The following GALNT13 variants were observed in gnomAD, a reference collection of about 807,000 sequenced individuals.
GALNT13 encodes UDP-GalNAc:polypeptide N-acetylgalactosaminyltransferase 13.
GALNT13 carries 28 observed loss-of-function variants against 64.2 expected under a neutral mutation model. The observed-to-expected ratio is 0.44, with a 90% CI of 0.32 to 0.60. GALNT13 has a LOEUF of 0.60. Among genes scored for constraint, GALNT13 ranks in the 20% least tolerant of loss-of-function variants. The pLI, the probability that GALNT13 is intolerant of heterozygous loss-of-function variation, is 0.05. For missense variants in GALNT13, 577 were observed against 669.8 expected (o/e 0.86, Z 1.53); for synonymous variants, 214 against 224.6 (o/e 0.95, Z 0.42).
At chr2:154,163,831 A>G (rs1003063647) in intron 4 of GALNT13, among the ~76,000 whole-genome samples, 4 of 152,208 alleles carry the variant, frequency 2.6e-5, no homozygotes, top group Non-Finnish European at 5.9e-5. Flanking sequence ...AGAATTCAGG[A>G]TAACATTTCT....
At chr2:154,409,915 T>C (rs1040394476) in intron 11 of GALNT13, among the ~76,000 whole-genome samples, 1 of 151,944 alleles carries the variant, frequency 6.6e-6, no homozygotes, top group Admixed American at 6.6e-5. Flanking sequence ...TGTTGATTCT[T>C]GTACTATAAA....
chr2:153,699,053 T>C, the GALNT13 span, among the ~76,000 whole-genome samples: 1 of 152,064 alleles, frequency 6.6e-6, no homozygotes. Context: ...TGAAACCCCA[T>C]CTCTACTAAA....
At chr2:153,445,769 A>G in the GALNT13 span, among the ~76,000 whole-genome samples, 1 of 152,144 alleles carries the variant, frequency 6.6e-6, no homozygotes, top group South Asian at 2.1e-4. Flanking sequence ...ATTTCTCCTT[A>G]TATATTTCTT....
chr2:153,527,500 C>T, the GALNT13 span, among the ~76,000 whole-genome samples: 2 of 152,186 alleles, frequency 1.3e-5, no homozygotes, highest in Middle Eastern at 3.4e-3. Flanking sequence ...TTCATCATCA[C>T]CTGATCTGTC....
At chr2:154,036,341 A>G (rs1399047422) in intron 3 of GALNT13, among the ~76,000 whole-genome samples, 1 of 152,116 alleles carries the variant, frequency 6.6e-6, no homozygotes, top group East Asian at 1.9e-4. Context: ...CAAATTCTGC[A>G]TTGCAGATAC....
chr2:153,855,675 G>C, the GALNT13 span, among the ~76,000 whole-genome samples: 1 of 152,060 alleles, frequency 6.6e-6, no homozygotes, highest in Non-Finnish European at 1.5e-5. Context: ...AAATTAGTCT[G>C]GCAATTCCTA....
chr2:153,348,586 G>T, the GALNT13 span, among the ~76,000 whole-genome samples: 17 of 152,134 alleles, frequency 1.1e-4, no homozygotes, highest in African/African-American at 3.9e-4. Flanking sequence ...CCAAAGGATG[G>T]TATAGAAAAT....
chr2:153,792,455 A>C, the GALNT13 span, among the ~76,000 whole-genome samples: 1 of 152,196 alleles, frequency 6.6e-6, no homozygotes, highest in Non-Finnish European at 1.5e-5. Context: ...GAACTTGAGC[A>C]TTTATAGATT....
At chr2:153,745,703 T>C in the GALNT13 span, among the ~76,000 whole-genome samples, 2 of 152,168 alleles carry the variant, frequency 1.3e-5, no homozygotes, top group Non-Finnish European at 2.9e-5. Context: ...ATTCGTTTGT[T>C]TGAAGCTCCT....
intron 2 of GALNT13, among the ~76,000 whole-genome samples, chr2:153,938,011 T>C (rs1691072366): frequency 6.6e-6 from 1 of 152,186 alleles, no homozygotes; most frequent in African/African-American, 2.4e-5. Context: ...TAGATGGATG[T>C]AGGGATACCT....
chr2:153,664,502 C>G, the GALNT13 span, among the ~76,000 whole-genome samples: 1 of 151,964 alleles, frequency 6.6e-6, no homozygotes, highest in Non-Finnish European at 1.5e-5. Flanking sequence ...GTGCAGTTAA[C>G]GCAATCATCA....
chr2:153,834,743 A>G, the GALNT13 span, among the ~76,000 whole-genome samples: 1 of 152,064 alleles, frequency 6.6e-6, no homozygotes, highest in Non-Finnish European at 1.5e-5. Flanking sequence ...GGGAACATGA[A>G]TTTGGAAAGA....
At chr2:154,061,623 A>G (rs1700190183) in intron 3 of GALNT13, among the ~76,000 whole-genome samples, 1 of 152,160 alleles carries the variant, frequency 6.6e-6, no homozygotes, top group Non-Finnish European at 1.5e-5. Context: ...ACAATTTGAC[A>G]TGAGATTTGA....
chr2:153,620,045 G>A, the GALNT13 span, among the ~76,000 whole-genome samples: 4 of 151,964 alleles, frequency 2.6e-5, no homozygotes, highest in African/African-American at 7.2e-5. Context: ...TCCTAGTCCT[G>A]TATCTTTCTC....
At chr2:154,180,452 T>C (rs1685894304) in intron 4 of GALNT13, among the ~76,000 whole-genome samples, 1 of 152,092 alleles carries the variant, frequency 6.6e-6, no homozygotes, top group Non-Finnish European at 1.5e-5. Context: ...AATATTGCTG[T>C]TTAAATTTAC....
At chr2:153,258,777 G>C in the GALNT13 span, among the ~76,000 whole-genome samples, 3 of 151,782 alleles carry the variant, frequency 2.0e-5, no homozygotes, top group African/African-American at 4.8e-5. Flanking sequence ...TCCATATTTC[G>C]TCTTGTTATC....
the GALNT13 span, among the ~76,000 whole-genome samples, chr2:153,605,024 C>T: frequency 3.9e-5 from 6 of 151,948 alleles, no homozygotes; most frequent in Non-Finnish European, 2.9e-5. Context: ...GACCAAAATT[C>T]GTATCTCCTG....
chr2:153,881,417 C>G (rs535173043), intron 1 of GALNT13, among the ~76,000 whole-genome samples: 1 of 152,184 alleles, frequency 6.6e-6, no homozygotes, highest in Non-Finnish European at 1.5e-5. Context: ...TTTTGGTAAC[C>G]TAGAGCAGAC....
the GALNT13 span, among the ~76,000 whole-genome samples, chr2:153,708,963 C>A: frequency 6.6e-6 from 1 of 151,946 alleles, no homozygotes; most frequent in Non-Finnish European, 1.5e-5. Flanking sequence ...CCTTATCATA[C>A]ACAATATGCA....
Sources: gnomAD v4.1 joint callset for allele counts (sites outside exome capture counted in the v4.1 genomes callset) on GRCh38, gnomAD v4.1.1 for gene constraint, MANE v1.5 for transcripts, NCBI Gene and HGNC (gene_info 2026-07-23, HGNC 2026-07-21) for gene names.